PGM5: variants seen among roughly 807,000 people sequenced by gnomAD.
PGM5 encodes phosphoglucomutase 5.
A neutral mutation model predicts 59.2 loss-of-function variants in PGM5; 23 were observed. The observed-to-expected ratio is 0.39, with a 90% CI of 0.28 to 0.55. The LOEUF (loss-of-function observed/expected upper bound fraction) is 0.55. Among genes scored for constraint, PGM5 ranks in the 20% least tolerant of loss-of-function variants. PGM5 has a pLI of 0.66. For synonymous variants in PGM5, 214 were observed against 286.0 expected (o/e 0.75, Z 2.54); for missense variants, 574 against 748.3 (o/e 0.77, Z 2.72).
chr9:68,459,589 A>C (rs1237957151), intron 6 of PGM5, among the ~76,000 whole-genome samples: 2 of 152,208 alleles, frequency 1.3e-5, no homozygotes, highest in African/African-American at 4.8e-5. Context: ...CACCACATTA[A>C]ATAAATACAC....
intron 7 of PGM5, among the ~76,000 whole-genome samples, chr9:68,472,426 A>G (rs1824035223): frequency 6.7e-6 from 1 of 150,116 alleles, no homozygotes; most frequent in Non-Finnish European, 1.5e-5. Flanking sequence ...TCATGTAAAC[A>G]GCATGGCATG....
At chr9:68,499,467 T>G (rs554701298) in intron 10 of PGM5, 106 bp downstream of exon 10, 100 of 1,177,702 alleles carry the variant, frequency 8.5e-5, no homozygotes, top group Non-Finnish European at 6.3e-5. Context: ...GAAAGGTACA[T>G]GATAATTTCA....
chr9:68,406,717 T>A (rs1403680556), intron 6 of PGM5, among the ~76,000 whole-genome samples: 1 of 99,400 alleles, frequency 1.0e-5, no homozygotes, highest in Non-Finnish European at 2.0e-5. Context: ...TATATATATA[T>A]ATATATATGT....
chr9:68,465,084 A>AT lies in PGM5; in HGVS notation c.1044-4dup. ...TATGAATTGACTTTTCTCAAATTTC[A>AT]TTTTTCAGAGTGGCCAAATCAATGA... is the stretch of plus-strand genomic sequence containing the variant. On this transcript the variant is annotated splice_polypyrimidine_tract_variant and intron_variant, in intron 6 of 10. Transcript: ENST00000396396. 6.4e-7 allele frequency: 1 copy of AT among 1,558,826 alleles called. No homozygotes were observed. Among genetic ancestry groups the AT allele is most frequent in the Non-Finnish European group, 8.8e-7 (1 of 1,135,052 alleles).
intron 7 of PGM5, among the ~76,000 whole-genome samples, chr9:68,465,453 T>G (rs1050135249): frequency 6.6e-6 from 1 of 152,136 alleles, no homozygotes; most frequent in Non-Finnish European, 1.5e-5. Flanking sequence ...TGTATAAGAG[T>G]AGAGAGAATA....
At chr9:68,412,189 T>A (rs1241160701) in intron 6 of PGM5, among the ~76,000 whole-genome samples, 1 of 151,874 alleles carries the variant, frequency 6.6e-6, no homozygotes, top group African/African-American at 2.4e-5. Flanking sequence ...GTAAAGTAAT[T>A]AGCATAGAAG....
intron 7 of PGM5, among the ~76,000 whole-genome samples, chr9:68,468,531 A>G (rs1823971813): frequency 1.3e-5 from 2 of 152,194 alleles, no homozygotes; most frequent in South Asian, 2.1e-4. Flanking sequence ...GTATTTGCCT[A>G]TTTCAATTCA....
intron 10 of PGM5, among the ~76,000 whole-genome samples, chr9:68,527,167 G>A (rs927390252): frequency 4.6e-5 from 7 of 152,122 alleles, no homozygotes; most frequent in African/African-American, 9.7e-5. Flanking sequence ...TTGCTTCCCC[G>A]CCCTTTTGCC....
chr9:68,483,042 T>C (rs909123266), intron 8 of PGM5, among the ~76,000 whole-genome samples: 2 of 152,214 alleles, frequency 1.3e-5, no homozygotes, highest in African/African-American at 4.8e-5. Flanking sequence ...TCAGTTCCCC[T>C]TCTCCCTTTC....
At chr9:68,519,337 A>G (rs1040623921) in intron 10 of PGM5, among the ~76,000 whole-genome samples, 7 of 152,180 alleles carry the variant, frequency 4.6e-5, no homozygotes, top group African/African-American at 1.7e-4. Context: ...ATTAATTAAT[A>G]TGGAGAATTA....
At chr9:68,477,320 T>A (rs184990833) in intron 7 of PGM5, among the ~76,000 whole-genome samples, 60 of 146,704 alleles carry the variant, frequency 4.1e-4, no homozygotes, top group African/African-American at 1.6e-3. Context: ...GGTTTGCATG[T>A]TTTCCTTATT....
At chr9:68,508,247 A>T (rs577915387) in intron 10 of PGM5, among the ~76,000 whole-genome samples, 41 of 152,312 alleles carry the variant, frequency 2.7e-4, no homozygotes, top group African/African-American at 9.6e-4. Context: ...TTGCCAGCTT[A>T]TCCCGAGAAC....
intron 1 of PGM5, among the ~76,000 whole-genome samples, chr9:68,376,212 T>C (rs1286178076): frequency 1.3e-5 from 2 of 152,242 alleles, no homozygotes; most frequent in Non-Finnish European, 2.9e-5. Context: ...TCACTTCCAC[T>C]GTTTAAAACC....
At chr9:68,507,587 ATTT>A (rs11323007) in intron 10 of PGM5, among the ~76,000 whole-genome samples, 3 of 147,454 alleles carry the variant, frequency 2.0e-5, no homozygotes, top group African/African-American at 2.5e-5. Context: ...TGTAATTATA[ATTT>A]TTTTTTTTTT....
chr9:68,472,465 G>C (rs1221794801), intron 7 of PGM5, among the ~76,000 whole-genome samples: 1 of 152,056 alleles, frequency 6.6e-6, no homozygotes, highest in African/African-American at 2.4e-5. Flanking sequence ...CTTCCATCTT[G>C]ACTCCCCCTC....
intron 1 of PGM5, among the ~76,000 whole-genome samples, chr9:68,358,672 C>T (rs1463925150): frequency 1.3e-5 from 2 of 151,952 alleles, no homozygotes; most frequent in East Asian, 1.9e-4. Flanking sequence ...TTATTAAAAA[C>T]ATTTTTAAAG....
intron 10 of PGM5, among the ~76,000 whole-genome samples, chr9:68,499,972 A>G (rs1824545230): frequency 6.6e-6 from 1 of 152,202 alleles, no homozygotes; most frequent in South Asian, 2.1e-4. Context: ...CCACTCCCAC[A>G]TTCATTAAAG....
chr9:68,415,177 A>G (rs4509404), intron 6 of PGM5, among the ~76,000 whole-genome samples: 51,881 of 146,440 alleles, frequency 0.35, 10,337 homozygotes, highest in African/African-American at 0.42. Context: ...TTCAAGGCCT[A>G]CCACTGTCCG....
rs112625229 is a variant in PGM5 at position 68,432,527 on chromosome 9, C to T, written c.1044-32566C>T. ...TGTTTTAAACAAAAAAAAAAATTGA[C>T]GTTATATTTACACTTTAATCTGAAA... On this transcript the variant is annotated intron_variant, in intron 6 of 10. Transcript: ENST00000396396. Among the ~76,000 whole-genome samples, 1,063 of 152,070 alleles carry T rather than the reference C, an allele frequency of 7.0e-3. 11 individuals carry two copies. The highest frequency in any genetic ancestry group is 0.024 in the African/African-American group (990 of 41,500).
Sources: allele counts gnomAD v4.1 joint callset (sites outside exome capture counted in the v4.1 genomes callset), GRCh38; gene constraint gnomAD v4.1.1; transcripts MANE v1.5; gene names NCBI Gene and HGNC (gene_info 2026-07-23, HGNC 2026-07-21).